The following DNHD1 variants were observed in gnomAD, a reference collection of about 807,000 sequenced individuals.
The protein encoded by DNHD1 is dynein heavy chain domain 1.
Under a neutral mutation model 458.1 loss-of-function variants are expected in DNHD1, and 383 were observed. That is an observed-to-expected ratio of 0.84 (90% CI 0.77 to 0.91). The LOEUF (loss-of-function observed/expected upper bound fraction) is 0.91. DNHD1 is among the 40% of genes least tolerant of loss of function. DNHD1 has a pLI of 0.00. For missense variants in DNHD1, 5,336 were observed against 5,866.1 expected, an observed-to-expected ratio of 0.91 and a Z score of 2.95; for synonymous variants, 2,203 against 2,376.9, an observed-to-expected ratio of 0.93 and a Z score of 2.13.
At chr11:6,511,974 A>G (rs1431242156) in intron 7 of DNHD1, among the ~76,000 whole-genome samples, 2 of 152,154 alleles carry the variant, frequency 1.3e-5, no homozygotes, top group African/African-American at 4.8e-5. Context: ...CTGGATATTC[A>G]CACAGGACTG....
At chr11:6,510,086 G>C (rs1214820329) in intron 6 of DNHD1, among the ~76,000 whole-genome samples, 4 of 144,316 alleles carry the variant, frequency 2.8e-5, no homozygotes, top group African/African-American at 8.0e-5. Context: ...TAACTCAAAA[G>C]AATTTTTTTT....
At chr11:6,562,894 G>A in intron 28 of DNHD1, 88 bp from the exon 29 acceptor site, 1 of 1,440,314 alleles carries the variant, frequency 6.9e-7, no homozygotes, top group African/African-American at 1.4e-5. Context: ...AGTGAGGAGT[G>A]TGCTACAGTT....
intron 12 of DNHD1, among the ~76,000 whole-genome samples, chr11:6,529,835 A>G (rs1445000365): frequency 6.6e-6 from 1 of 152,118 alleles, no homozygotes; most frequent in Non-Finnish European, 1.5e-5. Flanking sequence ...TCTTGGACTA[A>G]TAGGGACCTG....
At chr11:6,510,250 A>AT (rs1398619099) in intron 6 of DNHD1, among the ~76,000 whole-genome samples, 1 of 150,394 alleles carries the variant, frequency 6.6e-6, no homozygotes, top group Non-Finnish European at 1.5e-5. Context: ...CACCCGGCTA[A>AT]TTTTTTTTAT....
intron 6 of DNHD1, among the ~76,000 whole-genome samples, chr11:6,509,914 A>T (rs1455601524): frequency 3.3e-5 from 5 of 152,184 alleles, no homozygotes; most frequent in Admixed American, 2.0e-4. Context: ...TGGAGACTGC[A>T]TCTAAAGAGG....
rs558498292 is a variant in DNHD1, at chr11:6,517,385, G to T, written c.1393-2215G>T. Among the ~76,000 whole-genome samples the T allele has an allele frequency of 3.0e-4, 45 of 152,282 alleles. No individual in the cohort carries two copies. In the South Asian group the frequency reaches 9.3e-3, roughly 32 times the overall value. ...TTCTGTGTATATACCCAAAGGAAATGAAATCAGTATCTCAAAGAGATATCT... is the reference window on the plus strand; with the variant it reads ...TTCTGTGTATATACCCAAAGGAAATTAAATCAGTATCTCAAAGAGATATCT... On this transcript the variant is annotated intron_variant, in intron 7 of 42. Transcript: ENST00000254579.
chr11:6,557,786 T>G lies in DNHD1; in HGVS notation c.8491T>G (p.Ser2831Ala), dbSNP rs1853499704. Residue 2831 changes from serine to alanine, a missense_variant, in exon 25 of 43, where the codon TCT (serine) becomes GCT (alanine). Around this residue, in one of 4 missense-constraint regions of DNHD1, gnomAD observed 3,932 missense variants for 4,365.6 expected, o/e 0.90. Transcript: ENST00000254579. ...TCAGGAGCTGATACTGGGGCCTAAC[T>G]CTGAGACCCCCAACTTGTACCTGGA... ...FSQELILGPN[S>A]ETPNLYLERQ... is the part of the protein sequence containing the mutation. 1.3e-6 allele frequency: 2 copies of G among 1,551,440 alleles called. No individual in the cohort carries two copies. The highest frequency in any genetic ancestry group is 2.0e-5 in the Admixed American group (1 of 50,978).
intron 7 of DNHD1, among the ~76,000 whole-genome samples, chr11:6,512,137 G>T (rs1431633483): frequency 2.0e-5 from 3 of 151,276 alleles, no homozygotes; most frequent in African/African-American, 7.3e-5. Flanking sequence ...ATCAGAGGAG[G>T]TTAATCACAA....
chr11:6,514,704 TG>T (rs1488635860), intron 7 of DNHD1, among the ~76,000 whole-genome samples: 1 of 152,168 alleles, frequency 6.6e-6, no homozygotes, highest in East Asian at 1.9e-4. Flanking sequence ...TTATCATTTA[TG>T]CTCTTTTTTT....
intron 40 of DNHD1, 21 bp downstream of exon 40, chr11:6,570,121 C>G: frequency 1.2e-6 from 2 of 1,613,732 alleles, no homozygotes; most frequent in Non-Finnish European, 1.7e-6. Context: ...TCCTCTCCCC[C>G]TTGGAGTCAT....
At chr11:6,507,359 C>T (rs1325983775) in intron 4 of DNHD1, among the ~76,000 whole-genome samples, 1 of 152,130 alleles carries the variant, frequency 6.6e-6, no homozygotes, top group African/African-American at 2.4e-5. Context: ...ACCTATATCC[C>T]ACATTAAATG....
chr11:6,562,254 TTC>T (rs1853602113), intron 28 of DNHD1, among the ~76,000 whole-genome samples: 1 of 152,188 alleles, frequency 6.6e-6, no homozygotes, highest in South Asian at 2.1e-4. Context: ...CTTGCCACCA[TTC>T]TCTGAGAAAA....
chr11:6,564,074 A>G lies in DNHD1; in HGVS notation c.10234A>G (p.Met3412Val), dbSNP rs1853641885. 1 of 1,551,626 alleles carries G rather than the reference A, an allele frequency of 6.4e-7. No homozygotes were observed. Among genetic ancestry groups the G allele is most frequent in the Non-Finnish European group, 8.7e-7 (1 of 1,147,006 alleles). The change falls in exon 31 of 43, where the codon ATG becomes GTG. Residue 3412 changes from methionine (M) to valine (V), a missense_variant. By Grantham distance (21) the Met-to-Val change is conservative. Transcript: ENST00000254579. Reference protein sequence around the residue: ...AQCGQYHKWPMKAALLTPMRA... With the variant: ...AQCGQYHKWPVKAALLTPMRA... Reference sequence around the variant, plus strand: ...GTGTGGGCAGTATCACAAATGGCCCATGAAGGCTGCACTGCTCACGCCTAT... The same window carrying G: ...GTGTGGGCAGTATCACAAATGGCCCGTGAAGGCTGCACTGCTCACGCCTAT...
chr11:6,515,428 C>T (rs754320109), intron 7 of DNHD1, among the ~76,000 whole-genome samples: 4 of 152,142 alleles, frequency 2.6e-5, no homozygotes, highest in Non-Finnish European at 5.9e-5. Context: ...TTAGTGCTCA[C>T]TTCTGTTTAG....
intron 13 of DNHD1, 118 bp from the exon 14 acceptor site, chr11:6,533,563 C>T: frequency 7.7e-6 from 10 of 1,302,858 alleles, no homozygotes; most frequent in Non-Finnish European, 1.0e-5. Context: ...CAGTTGATTA[C>T]AAGGCTGCAA....
At chr11:6,544,360 G>T in intron 19 of DNHD1, 114 bp downstream of exon 19, 1 of 1,279,754 alleles carries the variant, frequency 7.8e-7, no homozygotes. Context: ...ACACAGTGAG[G>T]ACCTCCTTCA....
chr11:6,516,252 A>T (rs1174777862), intron 7 of DNHD1, among the ~76,000 whole-genome samples: 8 of 149,018 alleles, frequency 5.4e-5, no homozygotes, highest in African/African-American at 2.0e-4. Flanking sequence ...TTTAAAATAC[A>T]TGTTTTCACT....
intron 7 of DNHD1, among the ~76,000 whole-genome samples, chr11:6,513,289 T>C (rs1405011473): frequency 6.6e-6 from 1 of 152,222 alleles, no homozygotes; most frequent in Non-Finnish European, 1.5e-5. Flanking sequence ...CATTTGTATT[T>C]GTATTGCTAT....
Position 6,519,865 on chromosome 11 carries a change from G to A in DNHD1, c.1647+11G>A, listed in dbSNP as rs531898372. On this transcript the variant is annotated intron_variant, in intron 8 of 42. Transcript: ENST00000254579. The stretch of plus-strand genomic sequence containing the variant: ...GCCAACATCCTTCAAGTGAGGTGGT[G>A]GGTGGCATGTGTGGAGGTGGCAGGC... The A allele has an allele frequency of 3.0e-5, 48 of 1,612,730 alleles. No individual in the cohort carries two copies. The South Asian group carries it at 4.2e-4, about 14-fold the overall frequency.
Sources: gnomAD v4.1 joint callset for allele counts (sites outside exome capture counted in the v4.1 genomes callset) on GRCh38, gnomAD v4.1.1 for gene constraint, gnomAD v4.1.1 regional missense constraint, MANE v1.5 for transcripts, NCBI Gene and HGNC (gene_info 2026-07-23, HGNC 2026-07-21) for gene names.